HLA-DPB1: variants seen among roughly 807,000 people sequenced by gnomAD.
The protein encoded by HLA-DPB1 is major histocompatibility complex, class II, DP beta 1.
A neutral mutation model predicts 29.4 loss-of-function variants in HLA-DPB1; 30 were observed. The ratio of observed to expected loss-of-function variants is 1.02; its 90% CI spans 0.76 to 1.38. The LOEUF is 1.38. Among genes scored for constraint, HLA-DPB1 ranks in the 40% most tolerant of loss-of-function variants. The pLI is 0.00. For synonymous variants in HLA-DPB1, 114 were observed against 134.0 expected (o/e 0.85, Z 1.03); for missense variants, 261 against 327.5 (o/e 0.80, Z 1.57).
Position 33,086,236 on chromosome 6 carries a change from TA to T in HLA-DPB1, c.*1del, listed in dbSNP as rs67523850. 0.031 allele frequency: 48,735 copies of T among 1,567,594 alleles called. 1,372 individuals are homozygous for T. Among genetic ancestry groups the T allele is most frequent in the African/African-American group, 0.085 (6,190 of 72,512 alleles). On this transcript the variant is annotated frameshift_variant and stop_lost, in exon 5 of 6. Transcript: ENST00000418931. LOFTEE classifies it high-confidence loss of function. The part of the protein sequence containing the change: ...RSKKVQRGSA[*>X] ...CATTTCAGTTCAACGAGGATCTGCA[TA>T]AACAGGTAATATTCCTGCTTTGATT...
At chr6:33,082,674 G>A (rs1458601479) in intron 2 of HLA-DPB1, among the ~76,000 whole-genome samples, 1 of 152,158 alleles carries the variant, frequency 6.6e-6, no homozygotes, top group Admixed American at 6.5e-5. Context: ...GCATGAGTTA[G>A]AACAGGGAAA....
chr6:33,076,930 A>G (rs1434855200), intron 1 of HLA-DPB1, among the ~76,000 whole-genome samples: 2 of 151,934 alleles, frequency 1.3e-5, no homozygotes, highest in Non-Finnish European at 2.9e-5. Flanking sequence ...CTTTTTATAT[A>G]TATATATACT....
intron 5 of HLA-DPB1, 137 bp from the exon 6 acceptor site, chr6:33,086,402 G>C: frequency 1.3e-6 from 1 of 748,056 alleles, no homozygotes; most frequent in South Asian, 1.4e-5. Context: ...GCATTGCTTG[G>C]CTCCATTGCT....
intron 2 of HLA-DPB1, among the ~76,000 whole-genome samples, chr6:33,081,446 AC>A (rs1402312992): frequency 6.6e-6 from 1 of 152,106 alleles, no homozygotes; most frequent in Non-Finnish European, 1.5e-5. Flanking sequence ...GATCCTGGGA[AC>A]TGGACAGTTG....
At chr6:33,082,310 A>T (rs1762905927) in intron 2 of HLA-DPB1, among the ~76,000 whole-genome samples, 1 of 152,126 alleles carries the variant, frequency 6.6e-6, no homozygotes. Context: ...GACAGCCCTG[A>T]TGCCAGCCTA....
Position 33,076,265 on chromosome 6 carries a change from T to C in HLA-DPB1, c.100+124T>C, listed in dbSNP as rs145904501. 1,349 of 651,190 alleles carry C rather than the reference T, an allele frequency of 2.1e-3. 14 individuals are homozygous for C. The highest frequency in any genetic ancestry group is 0.012 in the East Asian group (422 of 36,626). 40.3% of individuals were successfully genotyped at this position (651,190 alleles called of 1,614,324 possible). On this transcript the variant is annotated intron_variant, in intron 1 of 5. Coordinates refer to ENST00000418931, the MANE Select transcript of HLA-DPB1 (RefSeq NM_002121.6). ...GCTCCTGCCCTAAGGCAGTGTCCTC[T>C]CTTCCCAGCTAGAGAAAGAGGTTCA...
Position 33,088,619 on chromosome 6 carries a change from T to TG in HLA-DPB1, c.*2088dup, listed in dbSNP as rs9282413. Among the ~76,000 whole-genome samples the TG allele has an allele frequency of 0.38, 57,593 of 151,850 alleles. 12,318 individuals carry two copies. Among genetic ancestry groups the TG allele is most frequent in the East Asian group, 0.63 (3,250 of 5,124 alleles). On this transcript the variant is annotated 3_prime_UTR_variant, in exon 6 of 6. Coordinates refer to ENST00000418931, the MANE Select transcript of HLA-DPB1 (RefSeq NM_002121.6). ...ACAAGAGCTGAGAGACCATCCAAAC[T>TG]GGGACCACCTTGTCACTAGACTTCA... is the stretch of plus-strand genomic sequence containing the variant.
In HLA-DPB1 at chr6:33,087,434, ATT is replaced by A. The variant is rs996967609; in HGVS notation, c.*901_*902del. ...TTTTTTTTTTTCTTAACAATCCAAC[ATT>A]GTTATGTGTTTTGCGTCTCATATTG... On this transcript the variant is annotated 3_prime_UTR_variant, in exon 6 of 6. Transcript: ENST00000418931. 6.6e-6 allele frequency among the ~76,000 whole-genome samples: 1 copy of A among 151,162 alleles called. No individual in the cohort carries two copies. Among genetic ancestry groups the A allele is most frequent in the Non-Finnish European group, 1.5e-5 (1 of 67,866 alleles).
At position 33,086,199 on chromosome 6, in the gene HLA-DPB1, C is replaced by A; in HGVS notation, c.758-20C>A. The A allele has an allele frequency of 6.4e-7, 1 of 1,560,056 alleles. No individual in the cohort carries two copies. The highest frequency in any genetic ancestry group is 8.8e-7 in the Non-Finnish European group (1 of 1,133,378). On this transcript the variant is annotated intron_variant, in intron 4 of 5. Coordinates refer to ENST00000418931, the MANE Select transcript of HLA-DPB1 (RefSeq NM_002121.6). Reference sequence around the variant, plus strand: ...GTGGTTTCAATGGCTGATTATATAACCTTTCGTCTTTCATTTCAGTTCAAC... The same window carrying A: ...GTGGTTTCAATGGCTGATTATATAAACTTTCGTCTTTCATTTCAGTTCAAC...
At chr6:33,085,294 G>C in intron 3 of HLA-DPB1, 63 bp downstream of exon 3, 1 of 1,399,884 alleles carries the variant, frequency 7.1e-7, no homozygotes, top group Non-Finnish European at 9.8e-7. Flanking sequence ...TGGCTCTGGG[G>C]TCCACTCATC....
chr6:33,086,209 T>A lies in HLA-DPB1; in HGVS notation c.758-10T>A, dbSNP rs1163539458. 6.4e-7 allele frequency: 1 copy of A among 1,574,178 alleles called. No individual in the cohort carries two copies. On this transcript the variant is annotated splice_polypyrimidine_tract_variant and intron_variant, in intron 4 of 5. Transcript: ENST00000418931. ...TGGCTGATTATATAACCTTTCGTCT[T>A]TCATTTCAGTTCAACGAGGATCTGC...
intron 1 of HLA-DPB1, among the ~76,000 whole-genome samples, chr6:33,078,550 G>C (rs1228508230): frequency 6.6e-6 from 1 of 152,132 alleles, no homozygotes; most frequent in Non-Finnish European, 1.5e-5. Context: ...AATTCATTCA[G>C]ATCAGTGGTT....
rs1350491198 is a variant in HLA-DPB1 at position 33,080,021 on chromosome 6, T to A, written c.101-651T>A. The stretch of plus-strand genomic sequence containing the variant: ...ACTTTCCACATCTTTTGACACCAAG[T>A]CTTTCTGCAGCCATGTTTGAAAATT... On this transcript the variant is annotated intron_variant, in intron 1 of 5. Coordinates refer to ENST00000418931, the MANE Select transcript of HLA-DPB1 (RefSeq NM_002121.6). This position sits in a 1 kb window ranked among gnomAD's most constrained non-coding sequence, Gnocchi z 4.3. Among the ~76,000 whole-genome samples the A allele has an allele frequency of 6.6e-6, 1 of 152,210 alleles. No individual in the cohort carries two copies. The highest frequency in any genetic ancestry group is 1.5e-5 in the Non-Finnish European group (1 of 68,030).
chr6:33,087,408 C>CT lies in HLA-DPB1; in HGVS notation c.*885dup, dbSNP rs67703005. On this transcript the variant is annotated 3_prime_UTR_variant, in exon 6 of 6. Transcript: ENST00000418931. ...GTAGCACTCTTTTTCAAACACTGGT[C>CT]TTTTTTTTTTTCTTAACAATCCAAC... is the stretch of plus-strand genomic sequence containing the variant. 1.0e-3 allele frequency among the ~76,000 whole-genome samples: 148 copies of CT among 141,040 alleles called. 1 individual carries two copies. The highest frequency in any genetic ancestry group is 8.8e-3 in the South Asian group (39 of 4,442). 92.5% of individuals were successfully genotyped at this position (141,040 alleles called of 152,430 possible).
intron 2 of HLA-DPB1, chr6:33,081,216 A>T (rs1312403144): frequency 6.2e-6 from 3 of 486,068 alleles, no homozygotes; most frequent in Non-Finnish European, 1.1e-5. Flanking sequence ...AGGAAGCCAC[A>T]GGACAGCGCA....
intron 2 of HLA-DPB1, among the ~76,000 whole-genome samples, chr6:33,081,543 GGAAGCT>G (rs1415740815): frequency 6.6e-6 from 1 of 152,134 alleles, no homozygotes; most frequent in African/African-American, 2.4e-5. Flanking sequence ...GAAGAGTCTT[GGAAGCT>G]GAGGGGAGGT....
chr6:33,087,511 C>T lies in HLA-DPB1; in HGVS notation c.*977C>T, dbSNP rs73740309. On this transcript the variant is annotated 3_prime_UTR_variant, in exon 6 of 6. Coordinates refer to ENST00000418931, the MANE Select transcript of HLA-DPB1 (RefSeq NM_002121.6). ...CATGTTTGTTGTAAGCTTTCTTTTT[C>T]GTGTAGAGGATGGATTCTTCACTCC... 0.26 allele frequency among the ~76,000 whole-genome samples: 27,611 copies of T among 108,066 alleles called. 4,202 individuals carry two copies. The highest frequency in any genetic ancestry group is 0.49 in the African/African-American group (17,369 of 35,130). 70.9% of individuals were successfully genotyped at this position (108,066 alleles called of 152,430 possible).
rs749814887 is a variant in HLA-DPB1 at position 33,085,825 on chromosome 6, G to A, written c.693G>A (p.Gly231=). ...SARSKTLTGA[G]GFVLGLIICG... ...GGAGTAAGACATTGACGGGAGCTGG[G>A]GGCTTCGTGCTGGGGCTCATCATCT... Residue 231 remains glycine (G), a synonymous_variant, in exon 4 of 6, where the codon GGG becomes GGA. Transcript: ENST00000418931. 3.1e-6 allele frequency: 5 copies of A among 1,614,072 alleles called. No homozygotes were observed. The highest frequency in any genetic ancestry group is 8.5e-7 in the Non-Finnish European group (1 of 1,179,992).
At chr6:33,082,247 C>T (rs9277359) in intron 2 of HLA-DPB1, 5 of 151,642 alleles carry the variant, frequency 3.3e-5, no homozygotes, top group Non-Finnish European at 7.4e-5. Flanking sequence ...GTAGAGGCAC[C>T]AATCAGTGAC....
Sources: allele counts gnomAD v4.1 joint callset (sites outside exome capture counted in the v4.1 genomes callset), GRCh38; gene constraint gnomAD v4.1.1; non-coding constraint Gnocchi (gnomAD v3.1); transcripts MANE v1.5; gene names NCBI Gene and HGNC (gene_info 2026-07-23, HGNC 2026-07-21).